Variants in MED29 observed in about 807,000 individuals in gnomAD.
MED29 encodes mediator complex subunit 29.
In MED29, 14 loss-of-function variants were observed where a neutral mutation model predicts 22.0. The ratio of observed to expected loss-of-function variants is 0.64; its 90% CI spans 0.42 to 0.99. The LOEUF is 0.99. MED29 is among the 50% of genes least tolerant of loss of function. MED29 has a pLI of 0.00. For synonymous variants in MED29, 123 were observed against 107.8 expected, an observed-to-expected ratio of 1.14 and a Z score of -0.87; for missense variants, 241 against 253.7, an observed-to-expected ratio of 0.95 and a Z score of 0.34.
In MED29 at chr19:39,391,647, C is replaced by G. The variant is rs1418965158; in HGVS notation, c.216+9C>G. ...TGAAGGAGAGTCTACAGGTGATTGG[C>G]CTTAAGCAGCGAGAAGCAAACTGGA... On this transcript the variant is annotated intron_variant, in intron 1 of 3. Coordinates refer to ENST00000315588, the MANE Select transcript of MED29 (RefSeq NM_017592.4). 2 of 1,564,904 alleles carry G rather than the reference C, an allele frequency of 1.3e-6. No individual in the cohort carries two copies. Among genetic ancestry groups the G allele is most frequent in the African/African-American group, 2.7e-5 (2 of 73,756 alleles).
chr19:39,391,699 G>C, intron 1 of MED29, 61 bp downstream of exon 1: 1 of 1,505,702 alleles, frequency 6.6e-7, no homozygotes, highest in Non-Finnish European at 8.8e-7. Flanking sequence ...GGCAGGCCGA[G>C]GGCCAGGTTA....
At position 39,397,865 on chromosome 19, in the gene MED29, C is replaced by CCGG; in HGVS notation, c.*167_*168insGGC. 1 of 1,126,112 alleles carries CCGG rather than the reference C, an allele frequency of 8.9e-7. No individual in the cohort carries two copies. Among genetic ancestry groups the CCGG allele is most frequent in the African/African-American group, 1.6e-5 (1 of 64,218 alleles). 69.8% of individuals were successfully genotyped at this position (1,126,112 alleles called of 1,614,324 possible). ...CCAACAGGGAGCTCGCAGGCCGGGC[C>CCGG]CCTGCGTCCCTGCCCCTTCTTCCTG... On this transcript the variant is annotated 3_prime_UTR_variant, in exon 4 of 4. Coordinates refer to ENST00000315588, the MANE Select transcript of MED29 (RefSeq NM_017592.4).
rs755888628 is a variant in MED29 at position 39,397,692 on chromosome 19, C to T, written c.596C>T (p.Thr199Ile). The part of the protein sequence containing the change: ...TPAPPAGPGG[T>I]L ...GCACCACCTGCTGGCCCTGGGGGCA[C>T]TCTGTGAAGTGGGGGACAGGGAGTG... The change falls in exon 4 of 4, where the codon ACT becomes ATT. Residue 199 changes from threonine to isoleucine, a missense_variant. Transcript: ENST00000315588. 2 of 1,608,586 alleles carry T rather than the reference C, an allele frequency of 1.2e-6. No individual in the cohort carries two copies. The highest frequency in any genetic ancestry group is 1.7e-6 in the Non-Finnish European group (2 of 1,179,516).
In MED29 at chr19:39,398,402, G is replaced by A. The variant is rs2078442482; in HGVS notation, c.*703G>A. 1 of 152,884 alleles carries A rather than the reference G, an allele frequency of 6.5e-6. No individual in the cohort carries two copies. The highest frequency in any genetic ancestry group is 2.1e-4 in the South Asian group (1 of 4,872). 9.5% of individuals were successfully genotyped at this position (152,884 alleles called of 1,614,324 possible). A position where few individuals can be genotyped will look rare whatever the true frequency, so the allele number is the denominator to read the frequency against. ...CAGGCTCTGAGCTCCACAGGTCTGAGCAGGGAGCAACTCAGGCCCCCACCC... is the reference window on the plus strand; with the variant it reads ...CAGGCTCTGAGCTCCACAGGTCTGAACAGGGAGCAACTCAGGCCCCCACCC... On this transcript the variant is annotated 3_prime_UTR_variant, in exon 4 of 4. Transcript: ENST00000315588.
At chr19:39,395,998 A>G (rs1327593992) in intron 3 of MED29, among the ~76,000 whole-genome samples, 2 of 151,866 alleles carry the variant, frequency 1.3e-5, no homozygotes. Flanking sequence ...TACAAATGTC[A>G]GGGGGAGGCC....
In MED29 at chr19:39,397,882, T is replaced by G; in HGVS notation, c.*183T>G. On this transcript the variant is annotated 3_prime_UTR_variant, in exon 4 of 4. Transcript: ENST00000315588. ...GGCCGGGCCCCTGCGTCCCTGCCCC[T>G]TCTTCCTGCTCCCCCTCCTAGCCTA... 2 of 952,554 alleles carry G rather than the reference T, an allele frequency of 2.1e-6. No individual in the cohort carries two copies. The highest frequency in any genetic ancestry group is 3.0e-6 in the Non-Finnish European group (2 of 656,460). The allele number at this position is 952,554 out of a possible 1,614,324, so 59.0% of individuals were successfully genotyped here. A position where few individuals can be genotyped will look rare whatever the true frequency, so the allele number is the denominator to read the frequency against.
At chr19:39,394,695 C>G (rs1241220105) in intron 3 of MED29, among the ~76,000 whole-genome samples, 2 of 149,566 alleles carry the variant, frequency 1.3e-5, no homozygotes, top group Non-Finnish European at 3.0e-5. Flanking sequence ...TCCTGAGTAG[C>G]TGGGACTACA....
rs374354967 is a variant in MED29, at chr19:39,397,707, G to A, written c.*8G>A. ...CCTGGGGGCACTCTGTGAAGTGGGG[G>A]ACAGGGAGTGGGGCAGGCAGTGGTT... is the stretch of plus-strand genomic sequence containing the variant. On this transcript the variant is annotated 3_prime_UTR_variant, in exon 4 of 4. Coordinates refer to ENST00000315588, the MANE Select transcript of MED29 (RefSeq NM_017592.4). 2.5e-6 allele frequency: 4 copies of A among 1,604,290 alleles called. No individual in the cohort carries two copies. The highest frequency in any genetic ancestry group is 1.7e-6 in the Non-Finnish European group (2 of 1,178,382).
In MED29 at chr19:39,391,472, T is replaced by C. The variant is rs1479572909; in HGVS notation, c.50T>C (p.Val17Ala). The change falls in exon 1 of 4, where the codon GTA becomes GCA. Residue 17 changes from valine to alanine, a missense_variant. Transcript: ENST00000315588. ...TCAGCGGCTTCCTCAGCTGCTGGTG[T>C]ATCGGGTCCTAGTTCGGCTGGCGGC... ...QASAASSAAG[V>A]SGPSSAGGPG... 9 of 1,613,506 alleles carry C rather than the reference T, an allele frequency of 5.6e-6. No individual in the cohort carries two copies. The highest frequency in any genetic ancestry group is 7.6e-6 in the Non-Finnish European group (9 of 1,179,872).
intron 3 of MED29, 96 bp downstream of exon 3, chr19:39,393,733 A>T (rs1441817596): frequency 9.5e-7 from 1 of 1,047,286 alleles, no homozygotes; most frequent in African/African-American, 1.6e-5. Flanking sequence ...TCAACTGGGG[A>T]CCTCCTGTGG....
intron 3 of MED29, among the ~76,000 whole-genome samples, chr19:39,396,868 T>TA (rs999168450): frequency 8.4e-5 from 12 of 142,250 alleles, no homozygotes; most frequent in African/African-American, 1.0e-4. Context: ...CTACTAAAAA[T>TA]AAAAAAAAAA....
chr19:39,396,571 C>T (rs1174777199), intron 3 of MED29, among the ~76,000 whole-genome samples: 1 of 151,898 alleles, frequency 6.6e-6, no homozygotes, highest in Non-Finnish European at 1.5e-5. Flanking sequence ...ACTAAAAATA[C>T]AAAAATTAGC....
At chr19:39,392,989 G>C (rs1256716564) in intron 2 of MED29, among the ~76,000 whole-genome samples, 1 of 149,418 alleles carries the variant, frequency 6.7e-6, no homozygotes, top group East Asian at 2.0e-4. Context: ...GGTTCAAACA[G>C]TCCTTCCACC....
chr19:39,396,730 GA>G (rs1048686675), intron 3 of MED29, among the ~76,000 whole-genome samples: 132 of 119,198 alleles, frequency 1.1e-3, no homozygotes, highest in African/African-American at 2.1e-3. Context: ...CACCTCAAAA[GA>G]AAAAAAAAAA....
chr19:39,392,533 C>A lies in MED29; in HGVS notation c.275+11C>A, dbSNP rs779450591. On this transcript the variant is annotated intron_variant, in intron 2 of 3. Coordinates refer to ENST00000315588, the MANE Select transcript of MED29 (RefSeq NM_017592.4). Reference sequence around the variant, plus strand: ...CATCGACAATGGACAGTGAGTGCAGCCCCCTTTACCAGGATATTCTATTGC... The same window carrying A: ...CATCGACAATGGACAGTGAGTGCAGACCCCTTTACCAGGATATTCTATTGC... The A allele has an allele frequency of 1.9e-6, 3 of 1,612,768 alleles. No homozygotes were observed. Among genetic ancestry groups the A allele is most frequent in the Non-Finnish European group, 2.5e-6 (3 of 1,178,986 alleles).
chr19:39,391,761 G>A (rs778700874), intron 1 of MED29, 123 bp downstream of exon 1: 455 of 1,224,306 alleles, frequency 3.7e-4, no homozygotes, highest in Non-Finnish European at 4.8e-4. Context: ...GTTTTGGCCT[G>A]GCTGGTGCAC....
chr19:39,396,320 T>C (rs567065887), intron 3 of MED29, among the ~76,000 whole-genome samples: 27 of 151,128 alleles, frequency 1.8e-4, no homozygotes, highest in African/African-American at 4.9e-4. Flanking sequence ...GCACCTGAAA[T>C]CCCAGCTACT....
chr19:39,392,379 T>C, intron 1 of MED29, 85 bp from the exon 2 acceptor site: 2 of 1,191,392 alleles, frequency 1.7e-6, no homozygotes, highest in South Asian at 1.2e-5. Flanking sequence ...TGAGACTGAG[T>C]GATCTCAAGA....
chr19:39,395,043 G>A (rs769011903), intron 3 of MED29, among the ~76,000 whole-genome samples: 3 of 151,930 alleles, frequency 2.0e-5, no homozygotes, highest in Non-Finnish European at 4.4e-5. Context: ...TTGTAGAGAC[G>A]GGGTTTTGCC....
Sources: allele counts gnomAD v4.1 joint callset (sites outside exome capture counted in the v4.1 genomes callset), GRCh38; gene constraint gnomAD v4.1.1; transcripts MANE v1.5; gene names NCBI Gene and HGNC (gene_info 2026-07-23, HGNC 2026-07-21).